The following RFX6 variants were observed in gnomAD, a reference collection of about 807,000 sequenced individuals.
RFX6 encodes the protein DNA-binding protein RFX6.
A neutral mutation model predicts 110.8 loss-of-function variants in RFX6; 50 were observed. That is an observed-to-expected ratio of 0.45 (90% confidence interval 0.36 to 0.57). The LOEUF is 0.57. Among genes scored for constraint, RFX6 ranks in the 20% least tolerant of loss-of-function variants. The pLI is 0.00. For synonymous variants in RFX6, 383 were observed against 411.2 expected (o/e 0.93, Z 0.83); for missense variants, 990 against 1,127.0 (o/e 0.88, Z 1.74).
rs374634034 is a variant in RFX6, at chr6:116,893,972, C to G, written c.567-15C>G. The G allele has an allele frequency of 2.3e-5, 34 of 1,491,742 alleles. No homozygotes were observed. Among genetic ancestry groups the G allele is most frequent in the Middle Eastern group, 1.7e-4 (1 of 5,826 alleles). 92.4% of individuals were successfully genotyped at this position (1,491,742 alleles called of 1,614,324 possible). On this transcript the variant is annotated splice_polypyrimidine_tract_variant and intron_variant, in intron 4 of 18. Coordinates refer to ENST00000332958, the MANE Select transcript of RFX6 (RefSeq NM_173560.4). The stretch of plus-strand genomic sequence containing the variant: ...TCCTTCACTAACACAGAGCTGGTTC[C>G]TGTCTTTGCTCTAGGTATCATTACT...
chr6:116,894,085 A>C, intron 5 of RFX6, 21 bp downstream of exon 5: 2 of 1,283,818 alleles, frequency 1.6e-6, no homozygotes, highest in Non-Finnish European at 2.3e-6. Flanking sequence ...ACCATCTTCA[A>C]GACAAATTCT....
chr6:116,892,809 A>T (rs1304870279), intron 4 of RFX6, among the ~76,000 whole-genome samples: 1 of 152,192 alleles, frequency 6.6e-6, no homozygotes, highest in Non-Finnish European at 1.5e-5. Flanking sequence ...TTCATATGGT[A>T]TGTAGGCTTC....
intron 10 of RFX6, among the ~76,000 whole-genome samples, chr6:116,918,745 C>T (rs180866367): frequency 1.8e-3 from 270 of 152,114 alleles, no homozygotes; most frequent in African/African-American, 6.0e-3. Context: ...ACAAATTTTA[C>T]TTTTTATTTA....
Position 116,922,170 on chromosome 6 carries a change from T to C in RFX6, c.1437+19T>C. ...TATTAAGGTACTTTTTAATGACAGA[T>C]TCAGAAAATAAGTTCCTTGTAAAGA... On this transcript the variant is annotated intron_variant, in intron 13 of 18. Coordinates refer to ENST00000332958, the MANE Select transcript of RFX6 (RefSeq NM_173560.4). The C allele has an allele frequency of 8.9e-7, 1 of 1,118,180 alleles. No homozygotes were observed. The highest frequency in any genetic ancestry group is 1.4e-6 in the Non-Finnish European group (1 of 727,814). 69.3% of individuals were successfully genotyped at this position (1,118,180 alleles called of 1,614,324 possible). A position where few individuals can be genotyped will look rare whatever the true frequency, so the allele number is the denominator to read the frequency against.
intron 15 of RFX6, 123 bp from the exon 16 acceptor site, chr6:116,925,330 T>G: frequency 1.1e-6 from 1 of 884,446 alleles, no homozygotes; most frequent in Non-Finnish European, 1.9e-6. Context: ...TGGGAAACAT[T>G]GCTTAGTAGT....
rs544130834 is a variant in RFX6, at chr6:116,896,760, A to G, written c.672+1553A>G. On this transcript the variant is annotated intron_variant, in intron 6 of 18. Transcript: ENST00000332958. Reference sequence around the variant, plus strand: ...CCAACCATCGTTGGTGTGCTCAGACATGACTTTCAGTGCAAATCTTCATAT... The same window carrying G: ...CCAACCATCGTTGGTGTGCTCAGACGTGACTTTCAGTGCAAATCTTCATAT... 1.3e-4 allele frequency among the ~76,000 whole-genome samples: 20 copies of G among 152,306 alleles called. No individual in the cohort carries two copies. The South Asian group carries it at 4.1e-3, about 32-fold the overall frequency.
chr6:116,890,309 A>G (rs1383653368), intron 4 of RFX6, among the ~76,000 whole-genome samples: 1 of 152,172 alleles, frequency 6.6e-6, no homozygotes, highest in Non-Finnish European at 1.5e-5. Flanking sequence ...TACACATACA[A>G]TTCTTTGCAT....
At chr6:116,904,080 T>C (rs1775141761) in intron 6 of RFX6, among the ~76,000 whole-genome samples, 2 of 152,098 alleles carry the variant, frequency 1.3e-5, no homozygotes, top group South Asian at 4.1e-4. Context: ...ATTTTAGTTT[T>C]TGCCAGTCTT....
At chr6:116,896,307 C>T (rs535999678) in intron 6 of RFX6, among the ~76,000 whole-genome samples, 1 of 152,258 alleles carries the variant, frequency 6.6e-6, no homozygotes, top group South Asian at 2.1e-4. Flanking sequence ...ACTGCAAATA[C>T]TGTTGTAGAT....
rs764500795 is a variant in RFX6 at position 116,877,904 on chromosome 6, C to A, written c.332C>A (p.Thr111Lys). 5.0e-6 allele frequency: 8 copies of A among 1,614,150 alleles called. No homozygotes were observed. The East Asian group carries it at 8.9e-5, about 18-fold the overall frequency. Residue 111 changes from threonine to lysine, a missense_variant, in exon 2 of 19, where the codon ACG becomes AAG. By Grantham distance (78) the Thr-to-Lys change is moderately conservative. Around this residue, in one of 5 missense-constraint regions of RFX6, gnomAD observed 175 missense variants for 162.3 expected, o/e 1.08. Coordinates refer to ENST00000332958, the MANE Select transcript of RFX6 (RefSeq NM_173560.4). ...DQYLSQKKTI[T>K]QIVKDKKKQT... ...TACCTGTCTCAGAAGAAAACCATCACGCAGATTGTGAAGGATAAAAAGAAG... is the reference window on the plus strand; with the variant it reads ...TACCTGTCTCAGAAGAAAACCATCAAGCAGATTGTGAAGGATAAAAAGAAG...
chr6:116,898,251 A>T (rs1774992425), intron 6 of RFX6, among the ~76,000 whole-genome samples: 1 of 152,108 alleles, frequency 6.6e-6, no homozygotes, highest in African/African-American at 2.4e-5. Flanking sequence ...TGGTTTGTGA[A>T]ATGAGTGGGA....
At chr6:116,879,968 T>G (rs1325452954) in intron 2 of RFX6, among the ~76,000 whole-genome samples, 1 of 152,036 alleles carries the variant, frequency 6.6e-6, no homozygotes, top group Non-Finnish European at 1.5e-5. Flanking sequence ...TTTAGATAAT[T>G]ATAGTACTGA....
chr6:116,883,613 C>T (rs1047452617), intron 4 of RFX6, among the ~76,000 whole-genome samples: 1 of 152,068 alleles, frequency 6.6e-6, no homozygotes, highest in African/African-American at 2.4e-5. Flanking sequence ...TCTTTTCATA[C>T]TACGTTTTTG....
chr6:116,931,367 C>T lies in RFX6; in HGVS notation c.2648C>T (p.Ser883Phe). The change falls in exon 19 of 19, where the codon TCC becomes TTC. Residue 883 changes from serine to phenylalanine, a missense_variant. Physicochemically the swap from Ser to Phe is radical, Grantham distance 155 (BLOSUM62 -2). Around this residue, in one of 5 missense-constraint regions of RFX6, gnomAD observed 438 missense variants for 441.9 expected, o/e 0.99. Transcript: ENST00000332958. Reference protein sequence around the residue: ...SLQTPIPSSSSQCMYGTSNQY... With the variant: ...SLQTPIPSSSFQCMYGTSNQY... The stretch of plus-strand genomic sequence containing the variant: ...CAAACCCCAATTCCTTCTTCCTCAT[C>T]CCAATGTATGTATGGAACTTCCAAC... 5 of 1,613,206 alleles carry T rather than the reference C, an allele frequency of 3.1e-6. No homozygotes were observed. The highest frequency in any genetic ancestry group is 4.2e-6 in the Non-Finnish European group (5 of 1,179,202).
chr6:116,915,895 G>A (rs533752800), intron 7 of RFX6, 113 bp from the exon 8 acceptor site: 6 of 799,564 alleles, frequency 7.5e-6, no homozygotes, highest in Admixed American at 1.8e-5. Flanking sequence ...TCAACATTGA[G>A]CATACTGCTT....
intron 18 of RFX6, among the ~76,000 whole-genome samples, chr6:116,929,478 C>T (rs903690401): frequency 2.6e-5 from 4 of 152,052 alleles, no homozygotes; most frequent in South Asian, 4.1e-4. Context: ...GATTCAACAC[C>T]TCTGTAGAAA....
At chr6:116,917,094 TATCAGA>T (rs2114694111) in intron 9 of RFX6, among the ~76,000 whole-genome samples, 1 of 152,290 alleles carries the variant, frequency 6.6e-6, no homozygotes, top group Non-Finnish European at 1.5e-5. Flanking sequence ...TAGTTGCCAC[TATCAGA>T]TTCTCAGCTT....
At chr6:116,910,060 G>A (rs1775317503) in intron 6 of RFX6, among the ~76,000 whole-genome samples, 1 of 152,090 alleles carries the variant, frequency 6.6e-6, no homozygotes, top group African/African-American at 2.4e-5. Flanking sequence ...AGAAATAAAT[G>A]TGAGAAAATT....
At chr6:116,904,361 T>C (rs923773557) in intron 6 of RFX6, among the ~76,000 whole-genome samples, 75 of 152,238 alleles carry the variant, frequency 4.9e-4, no homozygotes, top group African/African-American at 1.8e-3. Context: ...ATTTTTATTT[T>C]ATGGTTAGTA....
Sources: gnomAD v4.1 joint callset for allele counts (sites outside exome capture counted in the v4.1 genomes callset) on GRCh38, gnomAD v4.1.1 for gene constraint, gnomAD v4.1.1 regional missense constraint, MANE v1.5 for transcripts, NCBI Gene and HGNC (gene_info 2026-07-23, HGNC 2026-07-21) for gene names.